The following DNMT3A variants were observed in gnomAD, a reference collection of about 807,000 sequenced individuals.
DNMT3A encodes DNA (cytosine-5)-methyltransferase 3A.
DNMT3A carries 267 observed loss-of-function variants against 117.6 expected under a neutral mutation model. The observed-to-expected ratio is 2.27, with a 90% CI of 2.05 to 2.51. The LOEUF is 2.51. Among genes scored for constraint, DNMT3A ranks in the 30% most tolerant of loss-of-function variants. DNMT3A has a pLI of 0.00. For missense variants in DNMT3A, 1,029 were observed against 1,260.2 expected (o/e 0.82, Z 2.78); for synonymous variants, 432 against 474.8 (o/e 0.91, Z 1.17).
Position 25,275,537 on chromosome 2 carries a change from T to C in DNMT3A, c.455A>G (p.Glu152Gly). 1.3e-6 allele frequency: 2 copies of C among 1,581,712 alleles called. No individual in the cohort carries two copies. The highest frequency in any genetic ancestry group is 1.7e-6 in the Non-Finnish European group (2 of 1,169,378). Residue 152 changes from glutamate to glycine, a missense_variant, in exon 5 of 23, where the codon GAA (glutamate) becomes GGA (glycine). Physicochemically the swap from Glu to Gly is moderately conservative, Grantham distance 98 (BLOSUM62 -2). Transcript: ENST00000321117. The stretch of plus-strand genomic sequence containing the variant: ...GGATTCGATGTTGGTCTCCTTCTGT[T>C]CTTTGCCTGTGGAGAGGGAAGAACA... ...GRGAPAEAGK[E>G]QKETNIESMK...
chr2:25,303,075 C>T lies in DNMT3A; in HGVS notation c.73-2832G>A, dbSNP rs144076718. Among the ~76,000 whole-genome samples the T allele has an allele frequency of 1.6e-4, 24 of 152,304 alleles. No homozygotes were observed. In the Middle Eastern group the frequency reaches 0.017, roughly 108 times the overall value. On this transcript the variant is annotated intron_variant, in intron 2 of 22. Transcript: ENST00000321117. ...GTTTTGTTTACTGCTGAATCCCCAG[C>T]GCCTAGGGCAGATTCTGGAAAAACT... is the stretch of plus-strand genomic sequence containing the variant.
intron 6 of DNMT3A, among the ~76,000 whole-genome samples, chr2:25,253,635 C>T (rs1675851245): frequency 6.6e-6 from 1 of 152,144 alleles, no homozygotes; most frequent in South Asian, 2.1e-4. Context: ...GAAGAATAAC[C>T]GCAGGTTTTC....
In DNMT3A at chr2:25,339,095, C is replaced by G. The variant is rs1046730201; in HGVS notation, c.-178+2731G>C. 6.6e-6 allele frequency among the ~76,000 whole-genome samples: 1 copy of G among 152,012 alleles called. No individual in the cohort carries two copies. The highest frequency in any genetic ancestry group is 1.5e-5 in the Non-Finnish European group (1 of 68,000). Reference sequence around the variant, plus strand: ...CCCAAGGCCCAACTCGCTGGGCGCCCTGATCTCTCTCATATCTCCTTCTCC... The same window carrying G: ...CCCAAGGCCCAACTCGCTGGGCGCCGTGATCTCTCTCATATCTCCTTCTCC... On this transcript the variant is annotated intron_variant, in intron 1 of 22. Coordinates refer to ENST00000321117, the MANE Select transcript of DNMT3A (RefSeq NM_022552.5). The surrounding 1 kb of genome is among the most constrained non-coding windows in gnomAD (Gnocchi z 4.9).
intron 3 of DNMT3A, among the ~76,000 whole-genome samples, chr2:25,289,106 C>CT (rs1204158555): frequency 0.019 from 2,715 of 143,802 alleles, 74 homozygotes; most frequent in African/African-American, 0.059. Flanking sequence ...CCTTATTTAA[C>CT]TTTTTTTTTT....
At position 25,230,209 on chromosome 2, in the gene DNMT3A, T is replaced by A. The variant is rs1413425535; in HGVS notation, c.*4070A>T. 2 of 152,324 alleles carry A rather than the reference T, an allele frequency of 1.3e-5. No homozygotes were observed. The highest frequency in any genetic ancestry group is 1.5e-5 in the Non-Finnish European group (1 of 68,096). 9.4% of individuals were successfully genotyped at this position (152,324 alleles called of 1,614,324 possible). On this transcript the variant is annotated 3_prime_UTR_variant, in exon 23 of 23. Coordinates refer to ENST00000321117, the MANE Select transcript of DNMT3A (RefSeq NM_022552.5). ...AGCAACAGATTCATGTCATCATCTA[T>A]GGACTGCAGACCCCTGCTAGTGCCC... is the stretch of plus-strand genomic sequence containing the variant.
In DNMT3A at chr2:25,248,019, G is replaced by A. The variant is rs777348392; in HGVS notation, c.855+18C>T. The stretch of plus-strand genomic sequence containing the variant: ...CCCCCGGAAAGAGCTGGCCACGGCT[G>A]GTGAAGAAGCCGCTCACCTCGTACT... On this transcript the variant is annotated intron_variant, in intron 7 of 22. Transcript: ENST00000321117. The A allele has an allele frequency of 6.2e-7, 1 of 1,611,728 alleles. No individual in the cohort carries two copies. Among genetic ancestry groups the A allele is most frequent in the South Asian group, 1.1e-5 (1 of 90,956 alleles).
At chr2:25,279,618 C>T (rs1212597890) in intron 4 of DNMT3A, among the ~76,000 whole-genome samples, 7 of 152,142 alleles carry the variant, frequency 4.6e-5, no homozygotes, top group Non-Finnish European at 8.8e-5. Context: ...AGCTCTGATC[C>T]CTGCCAGAAT....
chr2:25,340,347 G>T (rs2035368234), intron 1 of DNMT3A, among the ~76,000 whole-genome samples: 1 of 152,224 alleles, frequency 6.6e-6, no homozygotes, highest in African/African-American at 2.4e-5. Flanking sequence ...ATGAGGAGAG[G>T]GGGAGAAATG....
rs1030349330 is a variant in DNMT3A at position 25,304,284 on chromosome 2, C to T, written c.73-4041G>A. 6.6e-6 allele frequency among the ~76,000 whole-genome samples: 1 copy of T among 152,160 alleles called. No homozygotes were observed. Among genetic ancestry groups the T allele is most frequent in the Non-Finnish European group, 1.5e-5 (1 of 68,030 alleles). The stretch of plus-strand genomic sequence containing the variant: ...CTTTAACCTCCCTGAGTCTTGCTTT[C>T]CTCATCTATAAAATGGGATGATATC... On this transcript the variant is annotated intron_variant, in intron 2 of 22. Transcript: ENST00000321117. The surrounding 1 kb of genome is among the most constrained non-coding windows in gnomAD (Gnocchi z 4.3).
At position 25,281,880 on chromosome 2, in the gene DNMT3A, C is replaced by A; in HGVS notation, c.448+561G>T. ...CCCTCTCCCCACGCCACTGTCACAACCAAATTTCCAGTTGAGTCAGCCCAA... is the reference window on the plus strand; with the variant it reads ...CCCTCTCCCCACGCCACTGTCACAAACAAATTTCCAGTTGAGTCAGCCCAA... On this transcript the variant is annotated intron_variant, in intron 4 of 22. Coordinates refer to ENST00000321117, the MANE Select transcript of DNMT3A (RefSeq NM_022552.5). This position sits in a 1 kb window ranked among gnomAD's most constrained non-coding sequence, Gnocchi z 4.8. 9.3e-7 allele frequency: 1 copy of A among 1,070,404 alleles called. No homozygotes were observed. Among genetic ancestry groups the A allele is most frequent in the Non-Finnish European group, 1.1e-6 (1 of 882,322 alleles). The allele number at this position is 1,070,404 out of a possible 1,614,324, so 66.3% of individuals were successfully genotyped here. A position where few individuals can be genotyped will look rare whatever the true frequency, so the allele number is the denominator to read the frequency against.
Position 25,242,733 on chromosome 2 carries a change from G to C in DNMT3A, c.1937-1026C>G, listed in dbSNP as rs528777622. ...TTAAAAGCCGGGAAGCCCTTGGCTG[G>C]GGGGGCAGGGCAGAGGGGTGGATGT... On this transcript the variant is annotated intron_variant, in intron 16 of 22. Coordinates refer to ENST00000321117, the MANE Select transcript of DNMT3A (RefSeq NM_022552.5). Among the ~76,000 whole-genome samples, 15 of 152,236 alleles carry C rather than the reference G, an allele frequency of 9.9e-5. No individual in the cohort carries two copies. The South Asian group carries it at 1.2e-3, about 13-fold the overall frequency.
At chr2:25,242,651 A>G (rs1194116716) in intron 16 of DNMT3A, among the ~76,000 whole-genome samples, 1 of 152,206 alleles carries the variant, frequency 6.6e-6, no homozygotes, top group Non-Finnish European at 1.5e-5. Flanking sequence ...CCCTGGGTTG[A>G]GACTGCCTAT....
rs1039244251 is a variant in DNMT3A at position 25,236,741 on chromosome 2, G to C, written c.2478+195C>G. ...GGGGGTGATGGGCGACACTCACCAG[G>C]GAGGAAGGGCTGAAGGCCAGCAGCC... On this transcript the variant is annotated intron_variant, in intron 21 of 22. Transcript: ENST00000321117. The surrounding 1 kb of genome is among the most constrained non-coding windows in gnomAD (Gnocchi z 4.5). Among the ~76,000 whole-genome samples, 1 of 152,196 alleles carries C rather than the reference G, an allele frequency of 6.6e-6. No individual in the cohort carries two copies. Among genetic ancestry groups the C allele is most frequent in the Non-Finnish European group, 1.5e-5 (1 of 68,028 alleles).
At position 25,237,048 on chromosome 2, in the gene DNMT3A, A is replaced by G. The variant is rs1438525421; in HGVS notation, c.2409-43T>C. 2.5e-6 allele frequency: 4 copies of G among 1,605,676 alleles called. No individual in the cohort carries two copies. On this transcript the variant is annotated intron_variant, in intron 20 of 22. Transcript: ENST00000321117. The surrounding 1 kb of genome is among the most constrained non-coding windows in gnomAD (Gnocchi z 5.4). ...GACTGTAACAACAGAAACCTGGATAACAGCGGGAAGGGCCCCAGCTGCACG... is the reference window on the plus strand; with the variant it reads ...GACTGTAACAACAGAAACCTGGATAGCAGCGGGAAGGGCCCCAGCTGCACG...
At chr2:25,251,892 G>A (rs761750577) in intron 6 of DNMT3A, 28 of 439,288 alleles carry the variant, frequency 6.4e-5, no homozygotes, top group Middle Eastern at 5.8e-4. Flanking sequence ...CCAGCTCCGC[G>A]TGCCCCAGCC....
chr2:25,239,146 G>A lies in DNMT3A; in HGVS notation c.2392C>T (p.Leu798Phe). ...TTCACCAACCTGTTCATACCGGGAA[G>A]GTTACCCCAGAAGTAGCGGGCCCTG... ...AHRARYFWGN[L>F]PGMNRPLAST... is the part of the protein sequence containing the mutation. Residue 798 changes from leucine to phenylalanine, a missense_variant, in exon 20 of 23, where the codon CTT (leucine) becomes TTT (phenylalanine). By Grantham distance (22) the Leu-to-Phe change is conservative (BLOSUM62 0). Coordinates refer to ENST00000321117, the MANE Select transcript of DNMT3A (RefSeq NM_022552.5). The A allele has an allele frequency of 1.2e-6, 2 of 1,614,040 alleles. No homozygotes were observed. Among genetic ancestry groups the A allele is most frequent in the Non-Finnish European group, 1.7e-6 (2 of 1,179,934 alleles).
At chr2:25,248,300 G>C (rs769274501) in intron 6 of DNMT3A, 48 bp from the exon 7 acceptor site, 3 of 1,595,630 alleles carry the variant, frequency 1.9e-6, no homozygotes, top group Non-Finnish European at 2.6e-6. Flanking sequence ...CCAGGAATTA[G>C]CAAGGCCACC....
intron 4 of DNMT3A, among the ~76,000 whole-genome samples, chr2:25,277,397 C>A (rs903668692): frequency 6.6e-6 from 1 of 152,256 alleles, no homozygotes; most frequent in Non-Finnish European, 1.5e-5. Flanking sequence ...CCCGGGCTCC[C>A]AGCAGGGGGC....
intron 1 of DNMT3A, among the ~76,000 whole-genome samples, chr2:25,334,196 G>A (rs2035122044): frequency 6.6e-6 from 1 of 152,202 alleles, no homozygotes; most frequent in South Asian, 2.1e-4. Flanking sequence ...AGGTGGAAGA[G>A]GGTGGTAAGT....
Sources: allele counts gnomAD v4.1 joint callset (sites outside exome capture counted in the v4.1 genomes callset), GRCh38; gene constraint gnomAD v4.1.1; non-coding constraint Gnocchi (gnomAD v3.1); transcripts MANE v1.5; gene names NCBI Gene and HGNC (gene_info 2026-07-23, HGNC 2026-07-21).